IL1RAPL2: variants seen among roughly 807,000 people sequenced by gnomAD.
IL1RAPL2 encodes the protein interleukin 1 receptor accessory protein like 2.
Under a neutral mutation model 44.1 loss-of-function variants are expected in IL1RAPL2, and 3 were observed. The observed-to-expected ratio is 0.07, with a 90% confidence interval of 0.03 to 0.18. The LOEUF is 0.18. Among genes scored for constraint, IL1RAPL2 ranks in the 10% least tolerant of loss-of-function variants. The probability of loss-of-function intolerance (pLI) is 1.00; values close to 1 mark genes in which losing one functional copy is unlikely to be tolerated. For synonymous variants in IL1RAPL2, 181 were observed against 178.8 expected (o/e 1.01, Z -0.10); for missense variants, 391 against 496.4 (o/e 0.79, Z 2.02).
intron 5 of IL1RAPL2, among the ~76,000 whole-genome samples, chrX:105,314,633 T>C (rs72616894): frequency 0.02 from 2,232 of 111,687 alleles, 23 homozygotes; most frequent in South Asian, 0.14. Context: ...ACATAAAATA[T>C]GTGGAAATGG....
intron 6 of IL1RAPL2, among the ~76,000 whole-genome samples, chrX:105,492,579 T>A (rs1243291863): frequency 1.8e-5 from 2 of 109,663 alleles, no homozygotes; most frequent in Non-Finnish European, 3.8e-5. Context: ...TAATAATAAT[T>A]ATTATTATTT....
intron 6 of IL1RAPL2, among the ~76,000 whole-genome samples, chrX:105,665,643 GAAATA>G (rs2037754965): frequency 9.0e-6 from 1 of 110,699 alleles, no homozygotes; most frequent in African/African-American, 3.3e-5. Context: ...CTGAGTGACT[GAAATA>G]AAATATTAAT....
intron 2 of IL1RAPL2, among the ~76,000 whole-genome samples, chrX:105,184,346 T>A (rs2033563383): frequency 9.1e-6 from 1 of 110,264 alleles, no homozygotes; most frequent in South Asian, 3.7e-4. Context: ...CTTTTTAACT[T>A]AAAAAAAATT....
intron 5 of IL1RAPL2, chrX:105,406,403 G>T (rs756988613): frequency 9.4e-7 from 1 of 1,065,433 alleles, no homozygotes; most frequent in Non-Finnish European, 1.3e-6. Context: ...AAGATTTTTT[G>T]GTATTGTCTC....
chrX:104,718,978 A>C (rs1002305564), intron 2 of IL1RAPL2, among the ~76,000 whole-genome samples: 8 of 112,002 alleles, frequency 7.1e-5, no homozygotes, highest in Admixed American at 5.7e-4. Context: ...TGTTTACAAA[A>C]ACACATAGTG....
chrX:104,902,151 C>T lies in IL1RAPL2; in HGVS notation c.82+243156C>T, dbSNP rs777980946. Among the ~76,000 whole-genome samples the T allele has an allele frequency of 1.6e-4, 18 of 111,812 alleles. No homozygotes were observed. In the Admixed American group the frequency reaches 1.6e-3, roughly 10 times the overall value. ...TTTAGCCTTTCTCTCCTGGTATGAA[C>T]GTTATGGAAGTAAAGTAGCTTCTTT... On this transcript the variant is annotated intron_variant, in intron 2 of 10. Transcript: ENST00000372582.
intron 2 of IL1RAPL2, among the ~76,000 whole-genome samples, chrX:104,875,597 T>C (rs1922881380): frequency 9.0e-6 from 1 of 111,562 alleles, no homozygotes; most frequent in Non-Finnish European, 1.9e-5. Flanking sequence ...GCCTGACTTA[T>C]ACTATCCTTG....
chrX:105,311,505 A>G (rs1372126733), intron 5 of IL1RAPL2, among the ~76,000 whole-genome samples: 2 of 108,389 alleles, frequency 1.8e-5, no homozygotes, highest in East Asian at 2.9e-4. Flanking sequence ...ATTTATTCCA[A>G]TCTACTTAGA....
chrX:105,751,060 G>A (rs933827680), intron 9 of IL1RAPL2, among the ~76,000 whole-genome samples: 3 of 111,260 alleles, frequency 2.7e-5, no homozygotes, highest in Non-Finnish European at 5.6e-5. Context: ...TTGAGCCCAG[G>A]AGTTCAAGAC....
rs760698016 is a variant in IL1RAPL2, at chrX:104,710,332, C to T, written c.82+51337C>T. On this transcript the variant is annotated intron_variant, in intron 2 of 10. Coordinates refer to ENST00000372582, the MANE Select transcript of IL1RAPL2 (RefSeq NM_017416.2). ...AAAGGTAACGTACAATGTGGACAAA[C>T]CCTGAAAACATGTTATATTAAAGAA... Among the ~76,000 whole-genome samples, 7 of 111,139 alleles carry T rather than the reference C, an allele frequency of 6.3e-5. No individual in the cohort carries two copies. In the South Asian group the frequency reaches 2.2e-3, roughly 35 times the overall value.
At chrX:105,561,648 A>G (rs914145842) in intron 6 of IL1RAPL2, among the ~76,000 whole-genome samples, 1 of 111,950 alleles carries the variant, frequency 8.9e-6, no homozygotes, top group African/African-American at 3.2e-5. Context: ...ATATATGAGT[A>G]ATGCCAAACC....
intron 2 of IL1RAPL2, among the ~76,000 whole-genome samples, chrX:104,946,266 G>A (rs1331132564): frequency 8.2e-5 from 8 of 97,567 alleles, no homozygotes; most frequent in Non-Finnish European, 1.4e-4. Context: ...CCAGCTACTC[G>A]GGAGGCTGAG....
intron 2 of IL1RAPL2, among the ~76,000 whole-genome samples, chrX:105,111,202 G>T (rs2032798182): frequency 9.0e-6 from 1 of 111,511 alleles, no homozygotes; most frequent in African/African-American, 3.3e-5. Context: ...TAAAAAAAAA[G>T]AAAATGTTTT....
At chrX:105,690,078 G>A (rs2147530783) in intron 6 of IL1RAPL2, among the ~76,000 whole-genome samples, 1 of 110,432 alleles carries the variant, frequency 9.1e-6, no homozygotes, top group African/African-American at 3.3e-5. Flanking sequence ...GAGGATGGGG[G>A]GCTTGGGGAG....
At chrX:105,636,795 T>A (rs1026282922) in intron 6 of IL1RAPL2, among the ~76,000 whole-genome samples, 2 of 110,964 alleles carry the variant, frequency 1.8e-5, no homozygotes, top group Non-Finnish European at 3.8e-5. Flanking sequence ...GTGGGCGGGG[T>A]TCAGGGAAGG....
chrX:104,704,165 T>C (rs1273116085), intron 2 of IL1RAPL2, among the ~76,000 whole-genome samples: 1 of 112,090 alleles, frequency 8.9e-6, no homozygotes, highest in Non-Finnish European at 1.9e-5. Flanking sequence ...CTGCGTGTTT[T>C]CTCTGTTATA....
At chrX:105,015,795 G>A (rs898599999) in intron 2 of IL1RAPL2, among the ~76,000 whole-genome samples, 2 of 111,372 alleles carry the variant, frequency 1.8e-5, no homozygotes, top group Non-Finnish European at 3.8e-5. Flanking sequence ...TTGGCTATGC[G>A]GGCTCTTTTT....
At chrX:104,720,940 A>G (rs1931663818) in intron 2 of IL1RAPL2, among the ~76,000 whole-genome samples, 1 of 111,380 alleles carries the variant, frequency 9.0e-6, no homozygotes, top group African/African-American at 3.3e-5. Context: ...TCTCAACATA[A>G]CTGATCATTA....
intron 5 of IL1RAPL2, among the ~76,000 whole-genome samples, chrX:105,428,917 A>G (rs916460979): frequency 9.0e-6 from 1 of 111,053 alleles, no homozygotes; most frequent in Non-Finnish European, 1.9e-5. Context: ...AATCTGAAAA[A>G]CCTGTGATTT....
Sources: allele counts gnomAD v4.1 joint callset (sites outside exome capture counted in the v4.1 genomes callset), GRCh38; gene constraint gnomAD v4.1.1; transcripts MANE v1.5; gene names NCBI Gene and HGNC (gene_info 2026-07-23, HGNC 2026-07-21).